The following KPNA3 variants were observed in gnomAD, a reference collection of about 807,000 sequenced individuals.
KPNA3 encodes the protein karyopherin subunit alpha 3.
In KPNA3, 13 loss-of-function variants were observed where a neutral mutation model predicts 73.8. That is an observed-to-expected ratio of 0.18 (90% CI 0.11 to 0.28). The LOEUF (loss-of-function observed/expected upper bound fraction) is 0.28, where lower values mean the gene tolerates loss of function less well. Ranked by LOEUF, KPNA3 falls within the 10% of genes least tolerant of loss-of-function variation. The pLI is 1.00. For synonymous variants in KPNA3, 186 were observed against 206.9 expected (o/e 0.90, Z 0.87); for missense variants, 360 against 618.1 (o/e 0.58, Z 4.43).
intron 10 of KPNA3, among the ~76,000 whole-genome samples, chr13:49,713,416 T>C (rs971984166): frequency 6.6e-6 from 1 of 151,734 alleles, no homozygotes. Flanking sequence ...ATAACTCTTA[T>C]GAATATATAT....
At chr13:49,743,435 T>C (rs570923147) in intron 2 of KPNA3, among the ~76,000 whole-genome samples, 2 of 152,314 alleles carry the variant, frequency 1.3e-5, no homozygotes, top group Non-Finnish European at 2.9e-5. Flanking sequence ...CAGGAAAAGT[T>C]TGCTTTCTAC....
intron 7 of KPNA3, among the ~76,000 whole-genome samples, chr13:49,723,892 A>G (rs1190649490): frequency 6.6e-6 from 1 of 151,308 alleles, no homozygotes; most frequent in Non-Finnish European, 1.5e-5. Flanking sequence ...AAAGAAAAGA[A>G]AAAAGAAAAA....
intron 1 of KPNA3, among the ~76,000 whole-genome samples, chr13:49,767,524 G>C (rs187678936): frequency 6.6e-6 from 1 of 152,096 alleles, no homozygotes; most frequent in African/African-American, 2.4e-5. Context: ...GGTTTCATCA[G>C]TGTATGTACG....
chr13:49,778,365 TCTGA>T (rs1465974790), intron 1 of KPNA3, among the ~76,000 whole-genome samples: 2 of 152,356 alleles, frequency 1.3e-5, no homozygotes, highest in South Asian at 2.1e-4. Flanking sequence ...CTGTAACCAA[TCTGA>T]CTGTTTCTGT....
chr13:49,787,625 G>A (rs1209529337), intron 1 of KPNA3, among the ~76,000 whole-genome samples: 1 of 151,778 alleles, frequency 6.6e-6, no homozygotes, highest in Non-Finnish European at 1.5e-5. Flanking sequence ...TCTCGCCTCA[G>A]CCTCCCTTGT....
At chr13:49,741,059 T>C (rs946654240) in intron 2 of KPNA3, among the ~76,000 whole-genome samples, 35 of 152,336 alleles carry the variant, frequency 2.3e-4, no homozygotes, top group African/African-American at 8.2e-4. Context: ...GGTGGACATT[T>C]GGGCTGATTC....
At chr13:49,747,041 G>A (rs769078502) in intron 1 of KPNA3, 48 bp from the exon 2 acceptor site, 6 of 1,373,344 alleles carry the variant, frequency 4.4e-6, no homozygotes, top group South Asian at 3.5e-5. Flanking sequence ...TACGGACACT[G>A]CTAGTATATA....
At chr13:49,746,225 A>G (rs186226573) in intron 2 of KPNA3, among the ~76,000 whole-genome samples, 26 of 152,324 alleles carry the variant, frequency 1.7e-4, no homozygotes, top group African/African-American at 6.0e-4. Flanking sequence ...CAGAAGGACG[A>G]TTGTTTGAGT....
At chr13:49,752,988 T>C (rs1409688579) in intron 1 of KPNA3, among the ~76,000 whole-genome samples, 12 of 127,882 alleles carry the variant, frequency 9.4e-5, no homozygotes, top group South Asian at 2.5e-4. Context: ...GATTGCGCCA[T>C]TGCACTCCAG....
chr13:49,716,375 T>C (rs1233094693), intron 10 of KPNA3, among the ~76,000 whole-genome samples: 1 of 152,174 alleles, frequency 6.6e-6, no homozygotes, highest in East Asian at 1.9e-4. Flanking sequence ...ACCTATTAAA[T>C]CTCTGCCTTA....
At position 49,699,447 on chromosome 13, in the gene KPNA3, A is replaced by G. The variant is rs1212210569; in HGVS notation, c.*2353T>C. 6.6e-6 allele frequency: 1 copy of G among 152,640 alleles called. No individual in the cohort carries two copies. Among genetic ancestry groups the G allele is most frequent in the African/African-American group, 2.4e-5 (1 of 41,456 alleles). 9.5% of individuals were successfully genotyped at this position (152,640 alleles called of 1,614,324 possible). ...GTCTTTTTAAACTGAGTTTAAAAAA[A>G]AATAACAATGCAATTTTTAAACACT... On this transcript the variant is annotated 3_prime_UTR_variant, in exon 17 of 17. Transcript: ENST00000261667.
At chr13:49,759,204 C>T (rs1954737651) in intron 1 of KPNA3, among the ~76,000 whole-genome samples, 1 of 152,154 alleles carries the variant, frequency 6.6e-6, no homozygotes, top group Non-Finnish European at 1.5e-5. Flanking sequence ...TGATAATGAA[C>T]TACCTCATTA....
intron 10 of KPNA3, among the ~76,000 whole-genome samples, chr13:49,712,214 G>C (rs1235774989): frequency 6.6e-6 from 1 of 152,092 alleles, no homozygotes; most frequent in Non-Finnish European, 1.5e-5. Flanking sequence ...GGCTACAATG[G>C]AAAATAACCC....
chr13:49,756,521 C>A (rs1396268775), intron 1 of KPNA3, among the ~76,000 whole-genome samples: 1 of 152,186 alleles, frequency 6.6e-6, no homozygotes, highest in Non-Finnish European at 1.5e-5. Context: ...TACACCACTG[C>A]ACTCCAGCCT....
intron 1 of KPNA3, among the ~76,000 whole-genome samples, chr13:49,754,697 T>C (rs191905757): frequency 2.8e-5 from 4 of 142,848 alleles, no homozygotes; most frequent in Admixed American, 2.8e-4. Flanking sequence ...ATGAAAAAGG[T>C]ACTATCACTA....
At chr13:49,783,845 C>T (rs535524361) in intron 1 of KPNA3, among the ~76,000 whole-genome samples, 9 of 152,270 alleles carry the variant, frequency 5.9e-5, no homozygotes, top group East Asian at 1.9e-4. Context: ...CTGAACCCTA[C>T]GATCATTCTT....
At chr13:49,759,856 G>A (rs1460730765) in intron 1 of KPNA3, among the ~76,000 whole-genome samples, 1 of 152,108 alleles carries the variant, frequency 6.6e-6, no homozygotes. Context: ...GGGGATCCCT[G>A]GTCTAGCTTA....
At chr13:49,713,546 A>C (rs1250132277) in intron 10 of KPNA3, among the ~76,000 whole-genome samples, 2 of 152,004 alleles carry the variant, frequency 1.3e-5, no homozygotes, top group African/African-American at 4.8e-5. Flanking sequence ...ATCACAAGGC[A>C]AAAAACTTAT....
intron 1 of KPNA3, among the ~76,000 whole-genome samples, chr13:49,749,768 A>C (rs1307571455): frequency 6.6e-6 from 1 of 152,186 alleles, no homozygotes; most frequent in Non-Finnish European, 1.5e-5. Context: ...TGTTACCCTC[A>C]CCTATCTCTA....
Sources: gnomAD v4.1 joint callset for allele counts (sites outside exome capture counted in the v4.1 genomes callset) on GRCh38, gnomAD v4.1.1 for gene constraint, MANE v1.5 for transcripts, NCBI Gene and HGNC (gene_info 2026-07-23, HGNC 2026-07-21) for gene names.